The following R3HCC1L variants were observed in gnomAD, a reference collection of about 807,000 sequenced individuals.
R3HCC1L encodes the protein coiled-coil domain-containing protein R3HCC1L.
Under a neutral mutation model 59.9 loss-of-function variants are expected in R3HCC1L, and 51 were observed. The ratio of observed to expected loss-of-function variants is 0.85; its 90% CI spans 0.68 to 1.07. The LOEUF (loss-of-function observed/expected upper bound fraction) is 1.07. Among genes scored for constraint, R3HCC1L ranks in the 50% least tolerant of loss-of-function variants. The probability of loss-of-function intolerance (pLI) is 0.00; values close to 1 mark genes in which losing one functional copy is unlikely to be tolerated. For synonymous variants in R3HCC1L, 322 were observed against 315.2 expected, an observed-to-expected ratio of 1.02 and a Z score of -0.23; for missense variants, 965 against 933.0, an observed-to-expected ratio of 1.03 and a Z score of -0.45.
intron 2 of R3HCC1L, among the ~76,000 whole-genome samples, chr10:98,156,676 T>G (rs1846913046): frequency 6.6e-6 from 1 of 152,190 alleles, no homozygotes; most frequent in Admixed American, 6.5e-5. Flanking sequence ...GAGGAATGAT[T>G]ACGTGGGTGA....
intron 4 of R3HCC1L, among the ~76,000 whole-genome samples, chr10:98,203,179 G>A (rs1042639885): frequency 1.3e-5 from 2 of 152,146 alleles, no homozygotes; most frequent in African/African-American, 4.8e-5. Flanking sequence ...ATACTTTGAA[G>A]TATTTAGGGC....
At chr10:98,210,199 G>A (rs1853405836) in intron 5 of R3HCC1L, among the ~76,000 whole-genome samples, 1 of 152,152 alleles carries the variant, frequency 6.6e-6, no homozygotes, top group Non-Finnish European at 1.5e-5. Context: ...GTTTTTCTAT[G>A]TTGACAAGGT....
At chr10:98,233,664 CT>C (rs1280263766) in intron 6 of R3HCC1L, among the ~76,000 whole-genome samples, 6 of 152,196 alleles carry the variant, frequency 3.9e-5, no homozygotes, top group African/African-American at 1.4e-4. Flanking sequence ...AAAAATATAA[CT>C]GTTATGTCAT....
At chr10:98,224,448 G>A (rs1855433382) in intron 5 of R3HCC1L, among the ~76,000 whole-genome samples, 1 of 152,164 alleles carries the variant, frequency 6.6e-6, no homozygotes, top group South Asian at 2.1e-4. Flanking sequence ...AGGCATCAGG[G>A]CAATAACATC....
chr10:98,160,211 A>G (rs1342143824), intron 2 of R3HCC1L, among the ~76,000 whole-genome samples: 1 of 152,226 alleles, frequency 6.6e-6, no homozygotes, highest in African/African-American at 2.4e-5. Flanking sequence ...AGTAGAATTC[A>G]ATGTTTGTTT....
chr10:98,151,898 C>T (rs1305228299), intron 1 of R3HCC1L, among the ~76,000 whole-genome samples: 1 of 152,094 alleles, frequency 6.6e-6, no homozygotes, highest in Non-Finnish European at 1.5e-5. Flanking sequence ...GTAAGAAATT[C>T]CAGCTCGCTC....
chr10:98,202,161 G>T (rs1852121233), intron 4 of R3HCC1L, among the ~76,000 whole-genome samples: 1 of 152,042 alleles, frequency 6.6e-6, no homozygotes, highest in Admixed American at 6.6e-5. Flanking sequence ...AGGCCTGACT[G>T]GTAAAATATG....
At chr10:98,236,191 C>T in intron 9 of R3HCC1L, 27 bp downstream of exon 9, 4 of 1,611,446 alleles carry the variant, frequency 2.5e-6, no homozygotes, top group Non-Finnish European at 3.4e-6. Context: ...GTGTTCTTCT[C>T]TAGGCCCTTC....
chr10:98,164,214 C>G (rs987546590), intron 4 of R3HCC1L, among the ~76,000 whole-genome samples: 2 of 152,090 alleles, frequency 1.3e-5, no homozygotes, highest in Admixed American at 6.6e-5. Context: ...TGGTGATTTG[C>G]CGAATTTTCT....
At chr10:98,137,972 T>G (rs1844758425) in intron 1 of R3HCC1L, among the ~76,000 whole-genome samples, 1 of 151,254 alleles carries the variant, frequency 6.6e-6, no homozygotes, top group Non-Finnish European at 1.5e-5. Context: ...TGACCTTCAT[T>G]TTTTCAAGAT....
chr10:98,191,441 A>ATAGATGTCTTCTC (rs1554841977), intron 4 of R3HCC1L, among the ~76,000 whole-genome samples: 1 of 152,008 alleles, frequency 6.6e-6, no homozygotes, highest in African/African-American at 2.4e-5. Context: ...TGTTGGCTGC[A>ATAGATGTCTTCTC]TAGATGTCTT....
chr10:98,206,508 T>A (rs1404348051), intron 4 of R3HCC1L, among the ~76,000 whole-genome samples: 2 of 152,150 alleles, frequency 1.3e-5, no homozygotes. Flanking sequence ...ACTCAGTGTT[T>A]ATTGTTTACA....
chr10:98,152,400 C>T (rs562985825), intron 1 of R3HCC1L, among the ~76,000 whole-genome samples: 2 of 151,498 alleles, frequency 1.3e-5, no homozygotes, highest in South Asian at 4.2e-4. Flanking sequence ...AGGAGCGTCT[C>T]TGCCTGGCCG....
intron 4 of R3HCC1L, chr10:98,174,335 A>T (rs1183760361): frequency 1.8e-5 from 6 of 324,548 alleles, no homozygotes; most frequent in African/African-American, 2.2e-5. Flanking sequence ...TTCTCAAAGT[A>T]CAAAATAAAC....
intron 2 of R3HCC1L, among the ~76,000 whole-genome samples, chr10:98,158,496 T>A (rs554699133): frequency 5.2e-4 from 79 of 152,312 alleles, no homozygotes; most frequent in South Asian, 2.3e-3. Flanking sequence ...ATGTTAACAT[T>A]TTACTGCATT....
intron 4 of R3HCC1L, among the ~76,000 whole-genome samples, chr10:98,166,008 C>T (rs1261362698): frequency 6.6e-6 from 1 of 152,262 alleles, no homozygotes; most frequent in East Asian, 1.9e-4. Context: ...CCCATCTCTA[C>T]TAAATACAAA....
intron 5 of R3HCC1L, among the ~76,000 whole-genome samples, chr10:98,229,016 G>A (rs557338945): frequency 2.0e-5 from 3 of 152,136 alleles, no homozygotes; most frequent in South Asian, 2.1e-4. Flanking sequence ...GTCAGGTAGT[G>A]TGATGCCTCC....
chr10:98,242,111 G>A (rs538386461), intron 9 of R3HCC1L, among the ~76,000 whole-genome samples: 4 of 152,246 alleles, frequency 2.6e-5, no homozygotes, highest in East Asian at 1.9e-4. Context: ...TTGGGAGGCC[G>A]AGGTGGGCAG....
chr10:98,208,402 A>C lies in R3HCC1L; in HGVS notation c.288A>C (p.Thr96=). The C allele has an allele frequency of 1.9e-6, 3 of 1,613,930 alleles. No homozygotes were observed. In the South Asian group the frequency reaches 3.3e-5, roughly 18 times the overall value. ...KKSSTKLRMD[T]CLQKTNRVCS... Reference sequence around the variant, plus strand: ...CTTCAACAAAATTAAGAATGGACACATGCCTTCAAAAAACAAATAGAGTTT... The same window carrying C: ...CTTCAACAAAATTAAGAATGGACACCTGCCTTCAAAAAACAAATAGAGTTT... Residue 96 remains threonine, a synonymous_variant, in exon 5 of 10, where the codon ACA becomes ACC. Coordinates refer to ENST00000298999, the MANE Select transcript of R3HCC1L (RefSeq NM_001351015.2).
Sources: gnomAD v4.1 joint callset for allele counts (sites outside exome capture counted in the v4.1 genomes callset) on GRCh38, gnomAD v4.1.1 for gene constraint, MANE v1.5 for transcripts, NCBI Gene and HGNC (gene_info 2026-07-23, HGNC 2026-07-21) for gene names.